Variants in ADAMTSL1 observed in about 807,000 individuals in gnomAD.
ADAMTSL1 encodes the protein ADAMTS-like protein 1.
ADAMTSL1 carries 126 observed loss-of-function variants against 201.8 expected under a neutral mutation model. The ratio of observed to expected loss-of-function variants is 0.62; its 90% CI spans 0.54 to 0.72. ADAMTSL1 has a LOEUF of 0.72. Among genes scored for constraint, ADAMTSL1 ranks in the 30% least tolerant of loss-of-function variants. The pLI, the probability that ADAMTSL1 is intolerant of heterozygous loss-of-function variation, is 0.00. For missense variants in ADAMTSL1, 2,679 were observed against 2,277.8 expected (o/e 1.18, Z -3.59); for synonymous variants, 1,121 against 903.4 (o/e 1.24, Z -4.32).
intron 6 of ADAMTSL1, 41 bp downstream of exon 6, chr9:18,636,058 T>C (rs1156942001): frequency 2.1e-6 from 3 of 1,451,838 alleles, no homozygotes; most frequent in South Asian, 2.5e-5. Flanking sequence ...TTGGGAATTG[T>C]AGTCATTATT....
Position 18,574,019 on chromosome 9 carries a change from T to G in ADAMTSL1, c.238-11T>G. 6.2e-7 allele frequency: 1 copy of G among 1,609,870 alleles called. No homozygotes were observed. The highest frequency in any genetic ancestry group is 1.1e-5 in the South Asian group (1 of 90,912). ...TAACCTTTGTATGTCCTTTCTCTCT[T>G]TTTTCTCCAGGACTGCCCACCAGAA... On this transcript the variant is annotated splice_polypyrimidine_tract_variant and intron_variant, in intron 3 of 28. Transcript: ENST00000380548.
chr9:18,124,775 C>T (rs370478852), intron 1 of ADAMTSL1, among the ~76,000 whole-genome samples: 1 of 152,248 alleles, frequency 6.6e-6, no homozygotes, highest in Non-Finnish European at 1.5e-5. Flanking sequence ...CTTTGCAATT[C>T]AAAAGGGAAT....
chr9:18,090,969 T>G (rs1204974829), intron 1 of ADAMTSL1, among the ~76,000 whole-genome samples: 2 of 151,962 alleles, frequency 1.3e-5, no homozygotes, highest in Non-Finnish European at 2.9e-5. Flanking sequence ...CTCTCTCACT[T>G]GCTTTCGCAG....
At chr9:18,032,413 C>T (rs1821002326) in intron 1 of ADAMTSL1, among the ~76,000 whole-genome samples, 2 of 152,190 alleles carry the variant, frequency 1.3e-5, no homozygotes, top group Non-Finnish European at 2.9e-5. Context: ...CCGAACTGCT[C>T]TCAGGCTATT....
At chr9:18,879,962 C>G (rs1828426346) in intron 23 of ADAMTSL1, among the ~76,000 whole-genome samples, 1 of 152,186 alleles carries the variant, frequency 6.6e-6, no homozygotes, top group Admixed American at 6.5e-5. Flanking sequence ...ATCATTTCAA[C>G]ACTGTTCACA....
In ADAMTSL1 at chr9:18,681,978, T is replaced by C; in HGVS notation, c.1489+19T>C. The C allele has an allele frequency of 6.2e-7, 1 of 1,613,294 alleles. No individual in the cohort carries two copies. On this transcript the variant is annotated intron_variant, in intron 12 of 28. Transcript: ENST00000380548. ...CCCAAAGGTAACTTGACAGGTGCTC[T>C]ATTACCAGCCTGTTAATTGTTGTGT...
At chr9:18,627,903 G>A (rs1826494941) in intron 5 of ADAMTSL1, among the ~76,000 whole-genome samples, 2 of 152,166 alleles carry the variant, frequency 1.3e-5, no homozygotes, top group African/African-American at 4.8e-5. Flanking sequence ...CTTTTGCATA[G>A]TGTCAGTTCA....
chr9:18,172,693 A>G (rs1587222229), intron 2 of ADAMTSL1, among the ~76,000 whole-genome samples: 1 of 152,136 alleles, frequency 6.6e-6, no homozygotes, highest in African/African-American at 2.4e-5. Flanking sequence ...TAGCCTAAAA[A>G]TGAAAGAAAA....
chr9:18,427,086 C>T (rs1050685227), intron 2 of ADAMTSL1, among the ~76,000 whole-genome samples: 3 of 152,140 alleles, frequency 2.0e-5, no homozygotes, highest in African/African-American at 7.2e-5. Flanking sequence ...GATTATCATT[C>T]CCAAATGGTT....
intron 21 of ADAMTSL1, 28 bp from the exon 22 acceptor site, chr9:18,826,256 G>A (rs775375225): frequency 6.7e-7 from 1 of 1,486,006 alleles, no homozygotes; most frequent in Admixed American, 2.2e-5. Context: ...GATGAGTGGG[G>A]TTTTTTGTTT....
At chr9:18,733,797 C>G (rs571711790) in intron 15 of ADAMTSL1, among the ~76,000 whole-genome samples, 2 of 152,040 alleles carry the variant, frequency 1.3e-5, no homozygotes, top group South Asian at 4.2e-4. Context: ...TTCTCAGTCA[C>G]CTTGCCTTTT....
intron 2 of ADAMTSL1, among the ~76,000 whole-genome samples, chr9:18,383,318 G>A (rs1837639969): frequency 2.0e-5 from 3 of 152,056 alleles, no homozygotes; most frequent in Admixed American, 6.5e-5. Flanking sequence ...GGTAAGGAGA[G>A]GACACTGTCA....
intron 1 of ADAMTSL1, among the ~76,000 whole-genome samples, chr9:17,936,034 G>T (rs1826994835): frequency 6.6e-6 from 1 of 152,082 alleles, no homozygotes; most frequent in Admixed American, 6.6e-5. Flanking sequence ...TTCTAACATT[G>T]CCAAGTGTGC....
chr9:17,930,439 T>G (rs1484955004), intron 1 of ADAMTSL1, among the ~76,000 whole-genome samples: 1 of 152,082 alleles, frequency 6.6e-6, no homozygotes, highest in African/African-American at 2.4e-5. Flanking sequence ...CTGGTAGGGT[T>G]CCATTCCCTC....
chr9:18,175,390 A>T (rs1483131966), intron 2 of ADAMTSL1, among the ~76,000 whole-genome samples: 8 of 152,200 alleles, frequency 5.3e-5, no homozygotes, highest in African/African-American at 1.9e-4. Flanking sequence ...TCAATATAAT[A>T]TTGGTAACGA....
At chr9:18,877,566 G>A (rs892556512) in intron 23 of ADAMTSL1, among the ~76,000 whole-genome samples, 1 of 152,312 alleles carries the variant, frequency 6.6e-6, no homozygotes, top group African/African-American at 2.4e-5. Context: ...GCTGTGAAGA[G>A]TCTTGTGATG....
In ADAMTSL1 at chr9:18,892,385, C is replaced by A. The variant is rs1340899371; in HGVS notation, c.4644-4C>A. 3 of 1,610,604 alleles carry A rather than the reference C, an allele frequency of 1.9e-6. No individual in the cohort carries two copies. The African/African-American group carries it at 4.0e-5, about 22-fold the overall frequency. ...GCTCTCCTGACACTTCTTCCTCTCC[C>A]CAGGTGGATGGTGACCTCCTGGTCT... is the stretch of plus-strand genomic sequence containing the variant. On this transcript the variant is annotated splice_region_variant and splice_polypyrimidine_tract_variant and intron_variant, in intron 25 of 28. Coordinates refer to ENST00000380548, the MANE Select transcript of ADAMTSL1 (RefSeq NM_001040272.6).
At chr9:18,015,944 A>G (rs1330071957) in intron 1 of ADAMTSL1, among the ~76,000 whole-genome samples, 1 of 152,044 alleles carries the variant, frequency 6.6e-6, no homozygotes, top group Non-Finnish European at 1.5e-5. Flanking sequence ...TGAACATAAT[A>G]AAGATCTCTG....
intron 15 of ADAMTSL1, among the ~76,000 whole-genome samples, chr9:18,737,124 G>C (rs1038413550): frequency 1.3e-5 from 2 of 152,050 alleles, no homozygotes; most frequent in South Asian, 4.2e-4. Context: ...TTTGAGACCA[G>C]CCTGACCAAC....
Sources: gnomAD v4.1 joint callset for allele counts (sites outside exome capture counted in the v4.1 genomes callset) on GRCh38, gnomAD v4.1.1 for gene constraint, MANE v1.5 for transcripts, NCBI Gene and HGNC (gene_info 2026-07-23, HGNC 2026-07-21) for gene names.